The following ULK2 variants were observed in gnomAD, a reference collection of about 807,000 sequenced individuals.
The protein encoded by ULK2 is unc-51 like autophagy activating kinase 2.
Under a neutral mutation model 127.5 loss-of-function variants are expected in ULK2, and 76 were observed. The observed-to-expected ratio is 0.60, with a 90% CI of 0.50 to 0.72. ULK2 has a LOEUF of 0.72. Ranked by LOEUF, ULK2 falls within the 30% of genes least tolerant of loss-of-function variation. The pLI is 0.00. For synonymous variants in ULK2, 452 were observed against 461.9 expected (o/e 0.98, Z 0.28); for missense variants, 1,144 against 1,295.9 (o/e 0.88, Z 1.80).
chr17:19,840,397 C>T (rs1293551633), intron 9 of ULK2: 1 of 514,272 alleles, frequency 1.9e-6, no homozygotes, highest in Admixed American at 2.2e-5. Context: ...CTCTTGGGCG[C>T]TCTGTGTGCA....
rs1302198085 is a variant in ULK2 at position 19,781,076 on chromosome 17, T to A, written c.2668A>T (p.Lys890Ter). 6.2e-7 allele frequency: 1 copy of A among 1,613,770 alleles called. No individual in the cohort carries two copies. The part of the protein sequence containing the change: ...GRVEQLVLYM[K>*]AAQLLAASLH... ...GAAGCCGCAAGCAGCTGTGCTGCTT[T>A]CATGTACAACACCAGCTGCTCCACC... The change falls in exon 24 of 27, where the codon AAA becomes TAA. Residue 890 changes from lysine (K) to a stop codon, truncating the protein, a stop_gained. Coordinates refer to ENST00000395544, the MANE Select transcript of ULK2 (RefSeq NM_014683.4). LOFTEE classifies it high-confidence loss of function.
chr17:19,798,587 C>T (rs2087325496), intron 17 of ULK2, among the ~76,000 whole-genome samples: 2 of 152,148 alleles, frequency 1.3e-5, no homozygotes, highest in African/African-American at 4.8e-5. Flanking sequence ...CATCTCTTTC[C>T]AAACCTGATA....
At chr17:19,847,004 T>C in intron 5 of ULK2, 94 bp from the exon 6 acceptor site, 1 of 1,180,216 alleles carries the variant, frequency 8.5e-7, no homozygotes, top group Non-Finnish European at 1.2e-6. Context: ...AAGGAGAGCA[T>C]GAAGGGAATG....
intron 9 of ULK2, chr17:19,840,037 G>T: frequency 3.3e-6 from 1 of 300,918 alleles, no homozygotes; most frequent in Non-Finnish European, 6.5e-6. Flanking sequence ...ACAGGGATCT[G>T]ATTAAATAAA....
intron 25 of ULK2, among the ~76,000 whole-genome samples, chr17:19,778,730 C>T (rs955391128): frequency 6.6e-6 from 1 of 152,138 alleles, no homozygotes; most frequent in Non-Finnish European, 1.5e-5. Context: ...GCTGGGACTA[C>T]AGGTGCATGC....
At chr17:19,833,774 A>G (rs1250492036) in intron 10 of ULK2, among the ~76,000 whole-genome samples, 1 of 152,248 alleles carries the variant, frequency 6.6e-6, no homozygotes, top group Non-Finnish European at 1.5e-5. Flanking sequence ...TGAAAAACTC[A>G]AAGGAAAAAA....
At chr17:19,826,905 C>A (rs1284669936) in intron 10 of ULK2, among the ~76,000 whole-genome samples, 1 of 150,788 alleles carries the variant, frequency 6.6e-6, no homozygotes, top group East Asian at 2.0e-4. Flanking sequence ...TGCAGTGAGC[C>A]GAGATCGCGC....
At chr17:19,832,991 T>C (rs1470273830) in intron 10 of ULK2, among the ~76,000 whole-genome samples, 1 of 151,740 alleles carries the variant, frequency 6.6e-6, no homozygotes, top group Non-Finnish European at 1.5e-5. Flanking sequence ...GGCGTAGTGG[T>C]GTGCACCTGT....
chr17:19,818,785 C>A (rs1371590049), intron 12 of ULK2, among the ~76,000 whole-genome samples: 3 of 140,346 alleles, frequency 2.1e-5, no homozygotes, highest in Non-Finnish European at 4.5e-5. Flanking sequence ...TTCTTCATTT[C>A]TTTTCTTTTT....
At chr17:19,789,198 T>C (rs1367501110) in intron 20 of ULK2, among the ~76,000 whole-genome samples, 2 of 152,090 alleles carry the variant, frequency 1.3e-5, no homozygotes, top group Non-Finnish European at 2.9e-5. Flanking sequence ...CACAGGGGTG[T>C]TTGCATCACC....
chr17:19,793,444 G>C (rs568264615), intron 20 of ULK2, among the ~76,000 whole-genome samples: 2 of 152,260 alleles, frequency 1.3e-5, no homozygotes, highest in South Asian at 2.1e-4. Flanking sequence ...CCACTGAATA[G>C]CCCATCCAAA....
intron 23 of ULK2, among the ~76,000 whole-genome samples, chr17:19,781,409 G>A (rs1307236011): frequency 2.6e-5 from 4 of 151,618 alleles, no homozygotes; most frequent in Non-Finnish European, 4.4e-5. Flanking sequence ...CACCATGCCC[G>A]GCTAATTTTT....
chr17:19,848,105 C>T (rs1257001231), intron 5 of ULK2: 1 of 151,632 alleles, frequency 6.6e-6, no homozygotes, highest in Admixed American at 6.6e-5. Context: ...AAAATTGGAA[C>T]AATACAGAGA....
intron 13 of ULK2, among the ~76,000 whole-genome samples, chr17:19,814,250 C>A (rs1194046057): frequency 1.3e-5 from 2 of 151,026 alleles, no homozygotes; most frequent in Non-Finnish European, 2.9e-5. Context: ...AAAAAAAAAT[C>A]TTTAGAAGAA....
intron 9 of ULK2, chr17:19,840,211 C>G: frequency 4.0e-6 from 2 of 499,046 alleles, no homozygotes; most frequent in Non-Finnish European, 8.2e-6. Flanking sequence ...TCTCCGGACA[C>G]CCGACGGGCG....
At chr17:19,849,521 A>T in intron 4 of ULK2, 116 bp from the exon 5 acceptor site, 2 of 1,109,598 alleles carry the variant, frequency 1.8e-6, no homozygotes, top group Non-Finnish European at 2.6e-6. Context: ...AATATAGCCT[A>T]AAAACATTAT....
chr17:19,829,052 T>C (rs1018497023), intron 10 of ULK2, among the ~76,000 whole-genome samples: 10 of 151,668 alleles, frequency 6.6e-5, no homozygotes, highest in African/African-American at 2.2e-4. Context: ...TGGGTGAAAG[T>C]GTAAGACTCC....
intron 20 of ULK2, among the ~76,000 whole-genome samples, chr17:19,794,723 GA>G (rs11336353): frequency 0.94 from 135,475 of 144,064 alleles, 63,739 homozygotes; most frequent in Non-Finnish European, 0.95. Context: ...AAGTCATAGA[GA>G]AAAAAAAAAA....
chr17:19,835,315 C>G (rs915009406), intron 10 of ULK2, among the ~76,000 whole-genome samples: 4 of 151,012 alleles, frequency 2.6e-5, no homozygotes, highest in African/African-American at 9.7e-5. Context: ...CTCCTGACCT[C>G]GTGATCTGCC....
Sources: allele counts gnomAD v4.1 joint callset (sites outside exome capture counted in the v4.1 genomes callset), GRCh38; gene constraint gnomAD v4.1.1; transcripts MANE v1.5; gene names NCBI Gene and HGNC (gene_info 2026-07-23, HGNC 2026-07-21).